OXR1: variants seen among roughly 807,000 people sequenced by gnomAD.
OXR1 encodes the protein oxidation resistance protein 1.
In OXR1, 41 loss-of-function variants were observed where a neutral mutation model predicts 104.6. The ratio of observed to expected loss-of-function variants is 0.39; its 90% CI spans 0.31 to 0.51. The LOEUF (loss-of-function observed/expected upper bound fraction) is 0.51, where lower values mean the gene tolerates loss of function less well. Among genes scored for constraint, OXR1 ranks in the 20% least tolerant of loss-of-function variants. The pLI is 0.77. For synonymous variants in OXR1, 348 were observed against 348.4 expected, an observed-to-expected ratio of 1.00 and a Z score of 0.01; for missense variants, 955 against 1,031.9, an observed-to-expected ratio of 0.93 and a Z score of 1.02.
chr8:106,471,587 C>T (rs1021447711), intron 2 of OXR1, among the ~76,000 whole-genome samples: 5 of 151,764 alleles, frequency 3.3e-5, no homozygotes, highest in African/African-American at 4.8e-5. Context: ...GCTGAAGCTA[C>T]AATACAGCTA....
At chr8:106,578,695 G>A (rs535168281) in intron 3 of OXR1, among the ~76,000 whole-genome samples, 12 of 152,188 alleles carry the variant, frequency 7.9e-5, no homozygotes, top group Non-Finnish European at 1.6e-4. Context: ...ATTTAATGTG[G>A]TTGTAAAATA....
At chr8:106,307,669 C>A (rs1281188995) in intron 1 of OXR1, among the ~76,000 whole-genome samples, 1 of 152,000 alleles carries the variant, frequency 6.6e-6, no homozygotes, top group African/African-American at 2.4e-5. Context: ...GCATCCAAAC[C>A]AGCTATAACA....
chr8:106,422,829 C>G (rs1436069452), intron 2 of OXR1, among the ~76,000 whole-genome samples: 1 of 152,072 alleles, frequency 6.6e-6, no homozygotes, highest in Non-Finnish European at 1.5e-5. Flanking sequence ...GACATGAAAG[C>G]CAATGCTCTT....
At chr8:106,558,266 C>G (rs1816431414) in intron 3 of OXR1, among the ~76,000 whole-genome samples, 1 of 152,110 alleles carries the variant, frequency 6.6e-6, no homozygotes, top group Non-Finnish European at 1.5e-5. Flanking sequence ...TGCTATGTAC[C>G]AAAGCAGCCC....
At position 106,622,750 on chromosome 8, in the gene OXR1, C is replaced by T. The variant is rs563205494; in HGVS notation, c.221-56460C>T. Reference sequence around the variant, plus strand: ...CCCCTGCCCATCAACAGTTCACATACACTCTTCTCTGCTTTTTTTCTTTTT... The same window carrying T: ...CCCCTGCCCATCAACAGTTCACATATACTCTTCTCTGCTTTTTTTCTTTTT... On this transcript the variant is annotated intron_variant, in intron 3 of 16. Transcript: ENST00000517566. Among the ~76,000 whole-genome samples the T allele has an allele frequency of 5.3e-5, 8 of 152,312 alleles. No individual in the cohort carries two copies. In the East Asian group the frequency reaches 1.5e-3, roughly 29 times the overall value.
In OXR1 at chr8:106,712,693, A is replaced by C. The variant is rs1280109089; in HGVS notation, c.1794-1130A>C. On this transcript the variant is annotated intron_variant, in intron 10 of 16. Coordinates refer to ENST00000517566, the MANE Select transcript of OXR1 (RefSeq NM_001198533.2). ...CCTTTTCCCACTCCACCATATATAG[A>C]GTAAGTACAATGTGTGTCTTCCACA... Among the ~76,000 whole-genome samples, 3 of 152,186 alleles carry C rather than the reference A, an allele frequency of 2.0e-5. No homozygotes were observed. The South Asian group carries it at 6.2e-4, about 32-fold the overall frequency.
At chr8:106,551,443 A>G (rs1815797615) in intron 3 of OXR1, among the ~76,000 whole-genome samples, 1 of 152,158 alleles carries the variant, frequency 6.6e-6, no homozygotes, top group Non-Finnish European at 1.5e-5. Context: ...TTACTTTAGT[A>G]TATGGTTCAC....
intron 7 of OXR1, among the ~76,000 whole-genome samples, chr8:106,698,536 T>G (rs1446161843): frequency 1.3e-5 from 2 of 152,198 alleles, no homozygotes; most frequent in Non-Finnish European, 2.9e-5. Flanking sequence ...TATTTTAGGC[T>G]ACTTAACATT....
At chr8:106,608,703 A>G (rs988474907) in intron 3 of OXR1, among the ~76,000 whole-genome samples, 1 of 152,216 alleles carries the variant, frequency 6.6e-6, no homozygotes, top group Non-Finnish European at 1.5e-5. Context: ...ACCCAGTGAC[A>G]GGCCCAAACA....
intron 15 of OXR1, among the ~76,000 whole-genome samples, chr8:106,745,173 A>C (rs541366000): frequency 6.6e-6 from 1 of 152,344 alleles, no homozygotes; most frequent in East Asian, 1.9e-4. Context: ...AGAAATTGCT[A>C]CTATGTTAGG....
chr8:106,646,509 C>G (rs1358917279), intron 3 of OXR1, among the ~76,000 whole-genome samples: 1 of 152,200 alleles, frequency 6.6e-6, no homozygotes, highest in East Asian at 1.9e-4. Context: ...CAATAAAGTA[C>G]TTAATATACC....
chr8:106,297,079 C>T (rs988851990), intron 1 of OXR1, among the ~76,000 whole-genome samples: 4 of 152,224 alleles, frequency 2.6e-5, no homozygotes, highest in East Asian at 1.9e-4. Flanking sequence ...ACTTAATCCT[C>T]ATAAAAACCT....
intron 3 of OXR1, among the ~76,000 whole-genome samples, chr8:106,575,451 G>A (rs1383066500): frequency 6.6e-6 from 1 of 151,990 alleles, no homozygotes; most frequent in Non-Finnish European, 1.5e-5. Flanking sequence ...ACAGCCCCTT[G>A]ATGACTGATG....
chr8:106,523,408 A>G (rs1363176151), intron 3 of OXR1, among the ~76,000 whole-genome samples: 2 of 152,084 alleles, frequency 1.3e-5, no homozygotes, highest in Non-Finnish European at 2.9e-5. Flanking sequence ...TCTGCCTATC[A>G]CATTTTACAG....
intron 2 of OXR1, among the ~76,000 whole-genome samples, chr8:106,491,925 A>G (rs1811114429): frequency 6.6e-6 from 1 of 152,198 alleles, no homozygotes; most frequent in Non-Finnish European, 1.5e-5. Context: ...ATAAATGAAA[A>G]AAACAAAAGT....
intron 1 of OXR1, among the ~76,000 whole-genome samples, chr8:106,339,979 T>G (rs1815172984): frequency 6.6e-6 from 1 of 152,152 alleles, no homozygotes; most frequent in African/African-American, 2.4e-5. Context: ...GATATGTAAA[T>G]TTTTTGCATT....
intron 3 of OXR1, among the ~76,000 whole-genome samples, chr8:106,539,212 CTAAG>C (rs1348370299): frequency 6.6e-6 from 1 of 152,100 alleles, no homozygotes; most frequent in African/African-American, 2.4e-5. Context: ...TTTAAACTTC[CTAAG>C]TAACAAAAAT....
intron 10 of OXR1, among the ~76,000 whole-genome samples, chr8:106,711,437 A>G (rs1323247224): frequency 3.3e-5 from 5 of 152,250 alleles, no homozygotes; most frequent in East Asian, 1.9e-4. Context: ...TTCTATTTCC[A>G]TAATACCACC....
intron 3 of OXR1, among the ~76,000 whole-genome samples, chr8:106,622,493 C>T (rs1821800956): frequency 6.8e-6 from 1 of 146,554 alleles, no homozygotes; most frequent in Non-Finnish European, 1.5e-5. Flanking sequence ...ACACCCCTTA[C>T]TTCATATAAT....
Sources: gnomAD v4.1 joint callset for allele counts (sites outside exome capture counted in the v4.1 genomes callset) on GRCh38, gnomAD v4.1.1 for gene constraint, MANE v1.5 for transcripts, NCBI Gene and HGNC (gene_info 2026-07-23, HGNC 2026-07-21) for gene names.